Variants in ADAD1 observed in about 807,000 individuals in gnomAD.
ADAD1 encodes adenosine deaminase domain containing 1, also known as adenosine deaminase domain-containing protein 1.
ADAD1 carries 46 observed loss-of-function variants against 66.8 expected under a neutral mutation model. That is an observed-to-expected ratio of 0.69 (90% CI 0.54 to 0.88). ADAD1 has a LOEUF of 0.88. ADAD1 is among the 40% of genes least tolerant of loss of function. The probability of loss-of-function intolerance (pLI) is 0.00; values close to 1 mark genes in which losing one functional copy is unlikely to be tolerated. For synonymous variants in ADAD1, 248 were observed against 229.4 expected (o/e 1.08, Z -0.73); for missense variants, 617 against 681.8 (o/e 0.91, Z 1.06).
chr4:122,384,335 A>G (rs1795054855), intron 5 of ADAD1, among the ~76,000 whole-genome samples: 2 of 152,230 alleles, frequency 1.3e-5, no homozygotes, highest in Non-Finnish European at 2.9e-5. Flanking sequence ...TGTTAAATTC[A>G]GTAAATGGTA....
At chr4:122,398,573 A>G (rs939971891) in intron 7 of ADAD1, among the ~76,000 whole-genome samples, 6 of 152,128 alleles carry the variant, frequency 3.9e-5, no homozygotes, top group Non-Finnish European at 5.9e-5. Context: ...TAGAAATTGT[A>G]CTAGTTTACA....
Position 122,429,323 on chromosome 4 carries a change from A to C in ADAD1, c.1618-303A>C, listed in dbSNP as rs1243804311. Among the ~76,000 whole-genome samples, 5 of 151,912 alleles carry C rather than the reference A, an allele frequency of 3.3e-5. 1 individual carries two copies. The highest frequency in any genetic ancestry group is 1.5e-5 in the Non-Finnish European group (1 of 67,962). On this transcript the variant is annotated intron_variant, in intron 12 of 12. Transcript: ENST00000296513. ...GGTGGTGCATGCCTGTAGTCCTAGC[A>C]ACTCAGGAGGCTGAGGCTGGAAGAT...
intron 9 of ADAD1, among the ~76,000 whole-genome samples, chr4:122,412,350 T>C (rs1027357063): frequency 2.6e-5 from 4 of 152,112 alleles, no homozygotes; most frequent in South Asian, 2.1e-4. Context: ...GGTGATAATA[T>C]GAAAAATATC....
At chr4:122,412,337 AGTG>A (rs1299949141) in intron 9 of ADAD1, among the ~76,000 whole-genome samples, 3 of 152,138 alleles carry the variant, frequency 2.0e-5, no homozygotes, top group African/African-American at 4.8e-5. Context: ...AGGGACATAA[AGTG>A]GTGATAATAT....
intron 12 of ADAD1, among the ~76,000 whole-genome samples, chr4:122,422,414 C>T (rs1362199475): frequency 6.6e-6 from 1 of 152,134 alleles, no homozygotes; most frequent in Non-Finnish European, 1.5e-5. Flanking sequence ...CTTGAGCCAC[C>T]GTGCCTGGCT....
chr4:122,408,468 G>T lies in ADAD1; in HGVS notation c.848+437G>T, dbSNP rs1406902790. On this transcript the variant is annotated intron_variant, in intron 8 of 12. Transcript: ENST00000296513. Reference sequence around the variant, plus strand: ...TTTTTTGTATTTTAGTAGAGACAAGGTTTCACCATGTTGGTCAGGCTGGTC... The same window carrying T: ...TTTTTTGTATTTTAGTAGAGACAAGTTTTCACCATGTTGGTCAGGCTGGTC... 2.6e-5 allele frequency among the ~76,000 whole-genome samples: 4 copies of T among 152,180 alleles called. No homozygotes were observed. In the East Asian group the frequency reaches 7.7e-4, roughly 29 times the overall value.
At chr4:122,398,144 C>CT (rs1163007197) in intron 7 of ADAD1, among the ~76,000 whole-genome samples, 1 of 151,872 alleles carries the variant, frequency 6.6e-6, no homozygotes. Flanking sequence ...CTCATCCCCC[C>CT]TGCTACCCTT....
intron 8 of ADAD1, among the ~76,000 whole-genome samples, chr4:122,410,158 A>G (rs921885544): frequency 1.3e-5 from 2 of 152,328 alleles, no homozygotes; most frequent in East Asian, 3.9e-4. Context: ...CTGAAAAAAT[A>G]TAAATTTGTG....
chr4:122,423,620 G>A (rs1035527250), intron 12 of ADAD1, among the ~76,000 whole-genome samples: 2 of 152,134 alleles, frequency 1.3e-5, no homozygotes, highest in Non-Finnish European at 2.9e-5. Flanking sequence ...AAGAAAAAAA[G>A]TTGAAAAATA....
chr4:122,418,601 C>T (rs34566917), intron 11 of ADAD1, among the ~76,000 whole-genome samples: 15,502 of 152,082 alleles, frequency 0.1, 1,062 homozygotes, highest in Non-Finnish European at 0.16. Context: ...GGATTACAGG[C>T]GTGAGCCACC....
At chr4:122,426,779 G>A (rs1042391127) in intron 12 of ADAD1, among the ~76,000 whole-genome samples, 2 of 152,174 alleles carry the variant, frequency 1.3e-5, no homozygotes, top group African/African-American at 4.8e-5. Context: ...ACAAAGTCCA[G>A]CACCCATTCA....
rs367918241 is a variant in ADAD1 at position 122,380,260 on chromosome 4, G to A, written c.172+19G>A. 1.6e-5 allele frequency: 26 copies of A among 1,594,266 alleles called. No homozygotes were observed. The African/African-American group carries it at 3.4e-4, about 21-fold the overall frequency. The stretch of plus-strand genomic sequence containing the variant: ...GTAACGGGTACGACTTTTTTCATTT[G>A]TAACAATGAGTCAGTTCTTTAAGAT... On this transcript the variant is annotated intron_variant, in intron 3 of 12. Coordinates refer to ENST00000296513, the MANE Select transcript of ADAD1 (RefSeq NM_139243.4).
chr4:122,384,315 G>A (rs1319418130), intron 5 of ADAD1, among the ~76,000 whole-genome samples: 1 of 152,154 alleles, frequency 6.6e-6, no homozygotes, highest in East Asian at 1.9e-4. Context: ...TGCAGCGTTT[G>A]TGAAGTTTAT....
In ADAD1 at chr4:122,396,236, T is replaced by G. The variant is rs748608171; in HGVS notation, c.599-16T>G. 6.4e-7 allele frequency: 1 copy of G among 1,558,946 alleles called. No homozygotes were observed. The highest frequency in any genetic ancestry group is 8.6e-7 in the Non-Finnish European group (1 of 1,157,290). On this transcript the variant is annotated splice_polypyrimidine_tract_variant and intron_variant, in intron 6 of 12. Coordinates refer to ENST00000296513, the MANE Select transcript of ADAD1 (RefSeq NM_139243.4). The stretch of plus-strand genomic sequence containing the variant: ...AGCACAATGTTCTTGAAATTTATGT[T>G]TTGATTTTTTTCTAGAAGGGAGACA...
chr4:122,385,510 T>A (rs1300493481), intron 5 of ADAD1, among the ~76,000 whole-genome samples: 2 of 152,182 alleles, frequency 1.3e-5, no homozygotes, highest in Non-Finnish European at 2.9e-5. Flanking sequence ...TGACCTCAAG[T>A]GATCCTCCCA....
chr4:122,394,226 A>G (rs545712112), intron 6 of ADAD1, among the ~76,000 whole-genome samples: 15 of 152,340 alleles, frequency 9.8e-5, no homozygotes, highest in African/African-American at 3.4e-4. Context: ...CTAACACACC[A>G]TAGATACTCA....
intron 12 of ADAD1, among the ~76,000 whole-genome samples, chr4:122,428,728 G>A (rs1431391970): frequency 2.0e-5 from 3 of 152,150 alleles, no homozygotes; most frequent in Non-Finnish European, 4.4e-5. Flanking sequence ...TAGATTCATG[G>A]TTGTCTGGGT....
In ADAD1 at chr4:122,407,964, A is replaced by G; in HGVS notation, c.781A>G (p.Ile261Val). 1.2e-6 allele frequency: 2 copies of G among 1,613,892 alleles called. No individual in the cohort carries two copies. The highest frequency in any genetic ancestry group is 1.7e-6 in the Non-Finnish European group (2 of 1,179,860). The change falls in exon 8 of 13, where the codon ATT becomes GTT. Residue 261 changes from isoleucine to valine, a missense_variant. Physicochemically the swap from Ile to Val is conservative, Grantham distance 29. Coordinates refer to ENST00000296513, the MANE Select transcript of ADAD1 (RefSeq NM_139243.4). Reference sequence around the variant, plus strand: ...AGGTGAATACAATTACAGCCAGGACATTAAGCCAGATGGAAGAGTATTGCA... The same window carrying G: ...AGGTGAATACAATTACAGCCAGGACGTTAAGCCAGATGGAAGAGTATTGCA... Reference protein sequence around the residue: ...GTGEYNYSQDIKPDGRVLHDT... With the variant: ...GTGEYNYSQDVKPDGRVLHDT...
At chr4:122,421,224 AAAAG>A (rs1415256373) in intron 11 of ADAD1, 33 bp from the exon 12 acceptor site, 4 of 1,471,800 alleles carry the variant, frequency 2.7e-6, no homozygotes, top group Non-Finnish European at 3.6e-6. Context: ...AAATTACTGA[AAAAG>A]AAATTTAAAA....
Sources: allele counts gnomAD v4.1 joint callset (sites outside exome capture counted in the v4.1 genomes callset), GRCh38; gene constraint gnomAD v4.1.1; transcripts MANE v1.5; gene names NCBI Gene and HGNC (gene_info 2026-07-23, HGNC 2026-07-21).